Variants in RBM39 observed in about 807,000 individuals in gnomAD.
RBM39 encodes RNA-binding protein 39.
RBM39 carries 12 observed loss-of-function variants against 79.6 expected under a neutral mutation model. That is an observed-to-expected ratio of 0.15 (90% CI 0.10 to 0.24). The LOEUF (loss-of-function observed/expected upper bound fraction) is 0.24. Ranked by LOEUF, RBM39 falls within the 10% of genes least tolerant of loss-of-function variation. The pLI, the probability that RBM39 is intolerant of heterozygous loss-of-function variation, is 1.00. For missense variants in RBM39, 243 were observed against 653.4 expected (o/e 0.37, Z 6.85); for synonymous variants, 185 against 208.4 (o/e 0.89, Z 0.97).
chr20:35,703,713 G>A lies in RBM39; in HGVS notation c.*768C>T, dbSNP rs1370271752. On this transcript the variant is annotated 3_prime_UTR_variant, in exon 17 of 17. Coordinates refer to ENST00000253363, the MANE Select transcript of RBM39 (RefSeq NM_184234.3). ...ATCAAGCTGTCTTGTCAAACACACT[G>A]AAGTAACCCAAAAATATATTTCAGA... 1 of 152,606 alleles carries A rather than the reference G, an allele frequency of 6.6e-6. No homozygotes were observed. The highest frequency in any genetic ancestry group is 1.9e-4 in the East Asian group (1 of 5,202). 9.5% of individuals were successfully genotyped at this position (152,606 alleles called of 1,614,324 possible). A position where few individuals can be genotyped will look rare whatever the true frequency, so the allele number is the denominator to read the frequency against.
At chr20:35,723,044 A>G (rs2038187218) in intron 8 of RBM39, among the ~76,000 whole-genome samples, 1 of 152,196 alleles carries the variant, frequency 6.6e-6, no homozygotes, top group South Asian at 2.1e-4. Flanking sequence ...CACAAATACT[A>G]AATACAGAGA....
intron 10 of RBM39, among the ~76,000 whole-genome samples, chr20:35,715,414 G>GT (rs1156994514): frequency 6.6e-6 from 1 of 152,128 alleles, no homozygotes; most frequent in East Asian, 1.9e-4. Context: ...GACCTCAGGT[G>GT]ATCTACCGCT....
rs747547781 is a variant in RBM39, at chr20:35,732,073, C to T, written c.164G>A (p.Arg55Gln). The change falls in exon 4 of 17, where the codon CGG becomes CAG. Residue 55 changes from arginine to glutamine, a missense_variant. Arg to Gln is a conservative substitution (Grantham distance 43). Around this residue, in one of 4 missense-constraint regions of RBM39, gnomAD observed 115 missense variants for 184.1 expected, o/e 0.62. Transcript: ENST00000253363. ...HERKRSKSKE[R>Q]KRSRDRERKK... ...CCTTTCTCTGTCTCTACTTCGCTTC[C>T]GTTCCTTACTTTTGCTTCTCTTTCG... 4.3e-6 allele frequency: 7 copies of T among 1,613,930 alleles called. No homozygotes were observed. Among genetic ancestry groups the T allele is most frequent in the Non-Finnish European group, 5.9e-6 (7 of 1,180,038 alleles).
At chr20:35,736,903 A>G (rs2146729290) in intron 3 of RBM39, among the ~76,000 whole-genome samples, 1 of 150,164 alleles carries the variant, frequency 6.7e-6, no homozygotes, top group Non-Finnish European at 1.5e-5. Context: ...CACCCGCCTG[A>G]GCCTCCCAAA....
intron 4 of RBM39, 151 bp downstream of exon 4, chr20:35,731,790 A>G: frequency 1.3e-6 from 1 of 784,546 alleles, no homozygotes; most frequent in Non-Finnish European, 2.1e-6. Context: ...TTTTCACTTT[A>G]CTAGTATTCA....
chr20:35,719,748 C>T (rs957441785), intron 9 of RBM39, among the ~76,000 whole-genome samples: 4 of 152,118 alleles, frequency 2.6e-5, no homozygotes, highest in Non-Finnish European at 5.9e-5. Context: ...CAACTGTTTC[C>T]TGATGTTAAT....
At position 35,701,961 on chromosome 20, in the gene RBM39, A is replaced by G. The variant is rs2035304974; in HGVS notation, c.*2520T>C. ...AAGCAAAACAGTTCATCCACTGTAA[A>G]AAAAAATAGAAACTTCTGTAGCTTC... On this transcript the variant is annotated 3_prime_UTR_variant, in exon 17 of 17. Transcript: ENST00000253363. The G allele has an allele frequency of 6.6e-6, 1 of 152,076 alleles. No homozygotes were observed. The highest frequency in any genetic ancestry group is 1.5e-5 in the Non-Finnish European group (1 of 68,022). The allele number at this position is 152,076 out of a possible 1,614,324, so 9.4% of individuals were successfully genotyped here.
intron 11 of RBM39, 70 bp from the exon 12 acceptor site, chr20:35,713,166 T>C (rs909773888): frequency 3.1e-6 from 4 of 1,310,786 alleles, no homozygotes; most frequent in African/African-American, 3.0e-5. Flanking sequence ...GGGTCATTAA[T>C]ATCATGATCA....
At chr20:35,740,088 A>C (rs1219850322) in intron 2 of RBM39, 1 of 156,600 alleles carries the variant, frequency 6.4e-6, no homozygotes, top group Non-Finnish European at 1.4e-5. Flanking sequence ...GGTAGGGCCT[A>C]ATTAAAAATA....
intron 4 of RBM39, among the ~76,000 whole-genome samples, chr20:35,730,583 TTC>T (rs2039258147): frequency 6.6e-6 from 1 of 152,172 alleles, no homozygotes; most frequent in Non-Finnish European, 1.5e-5. Flanking sequence ...TTATAAAATA[TTC>T]TGAGTTACAG....
intron 6 of RBM39, among the ~76,000 whole-genome samples, chr20:35,726,410 C>T (rs890257572): frequency 6.6e-6 from 1 of 152,138 alleles, no homozygotes; most frequent in East Asian, 1.9e-4. Context: ...GGATTGTAGG[C>T]GTCAGCCACC....
chr20:35,734,456 G>A (rs560766528), intron 3 of RBM39: 1 of 244,052 alleles, frequency 4.1e-6, no homozygotes, highest in Non-Finnish European at 8.3e-6. Flanking sequence ...AGAACTCTGA[G>A]ATTTCTAAAA....
chr20:35,704,736 T>C lies in RBM39; in HGVS notation c.1424A>G (p.Tyr475Cys). 1 of 1,613,530 alleles carries C rather than the reference T, an allele frequency of 6.2e-7. No individual in the cohort carries two copies. The highest frequency in any genetic ancestry group is 8.5e-7 in the Non-Finnish European group (1 of 1,179,836). ...VDKNSAQGNV[Y>C]VKCPSIAAAI... is the part of the protein sequence containing the mutation. ...TGCAGCAATTGATGGGCACTTCACA[T>C]ACACATTGCCCTACAGAAAAAATGA... is the stretch of plus-strand genomic sequence containing the variant. The change falls in exon 16 of 17, where the codon TAT becomes TGT. Residue 475 changes from tyrosine (Y) to cysteine (C), a missense_variant. Tyr to Cys is a radical substitution (Grantham distance 194). Transcript: ENST00000253363.
intron 2 of RBM39, chr20:35,739,534 T>C: frequency 2.1e-6 from 1 of 471,136 alleles, no homozygotes; most frequent in Non-Finnish European, 4.4e-6. Flanking sequence ...GCCACCTCTG[T>C]CACACATCTC....
In RBM39 at chr20:35,729,377, A is replaced by G. The variant is rs369301233; in HGVS notation, c.363-12T>C. 5.7e-5 allele frequency: 91 copies of G among 1,606,270 alleles called. No homozygotes were observed. Among genetic ancestry groups the G allele is most frequent in the Non-Finnish European group, 7.0e-5 (83 of 1,178,260 alleles). On this transcript the variant is annotated splice_polypyrimidine_tract_variant and intron_variant, in intron 5 of 16. Transcript: ENST00000253363. ...GGGAACGTCGTCTGCTGCAAAGTTA[A>G]AAAGTTTCAGAAGTTATCCAAACAA...
rs1257027265 is a variant in RBM39, at chr20:35,701,571, G to A, written c.*2910C>T. The A allele has an allele frequency of 6.6e-6, 1 of 152,234 alleles. No individual in the cohort carries two copies. The highest frequency in any genetic ancestry group is 2.4e-5 in the African/African-American group (1 of 41,450). The allele number at this position is 152,234 out of a possible 1,614,324, so 9.4% of individuals were successfully genotyped here. On this transcript the variant is annotated 3_prime_UTR_variant, in exon 17 of 17. Transcript: ENST00000253363. ...GATGGAGACCATCTTGGGTAACACG[G>A]TGACACCCCGTCTCTACTAAAAATA...
chr20:35,707,804 G>A, intron 13 of RBM39: 1 of 374,448 alleles, frequency 2.7e-6, no homozygotes, highest in Non-Finnish European at 5.4e-6. Flanking sequence ...ACTGAAAAGA[G>A]CAGCATATAT....
chr20:35,721,281 T>C (rs1232558956), intron 9 of RBM39, among the ~76,000 whole-genome samples: 3 of 152,136 alleles, frequency 2.0e-5, no homozygotes, highest in African/African-American at 7.2e-5. Context: ...AAAAACAATC[T>C]TTTAAAAAAA....
At chr20:35,739,074 TC>T in intron 2 of RBM39, 57 bp from the exon 3 acceptor site, 1 of 1,386,336 alleles carries the variant, frequency 7.2e-7, no homozygotes, top group Non-Finnish European at 1.0e-6. Context: ...TTTCAAGTTG[TC>T]AAAGGGTAAA....
Sources: allele counts gnomAD v4.1 joint callset (sites outside exome capture counted in the v4.1 genomes callset), GRCh38; gene constraint gnomAD v4.1.1; regional missense constraint gnomAD v4.1.1; transcripts MANE v1.5; gene names NCBI Gene and HGNC (gene_info 2026-07-23, HGNC 2026-07-21).